TRIP12: variants seen among roughly 807,000 people sequenced by gnomAD.
TRIP12 encodes the protein E3 ubiquitin-protein ligase TRIP12.
Under a neutral mutation model 244.2 loss-of-function variants are expected in TRIP12, and 25 were observed. The observed-to-expected ratio is 0.10, with a 90% CI of 0.07 to 0.14. The LOEUF (loss-of-function observed/expected upper bound fraction) is 0.14, where lower values mean the gene tolerates loss of function less well. TRIP12 is among the 10% of genes least tolerant of loss of function. The pLI, the probability that TRIP12 is intolerant of heterozygous loss-of-function variation, is 1.00. For synonymous variants in TRIP12, 905 were observed against 873.1 expected (o/e 1.04, Z -0.64); for missense variants, 1,677 against 2,486.4 (o/e 0.67, Z 6.92).
upstream of TRIP12, chr2:229,922,654 G>A (rs935858764): frequency 1.9e-6 from 3 of 1,596,812 alleles, no homozygotes; most frequent in Non-Finnish European, 2.6e-6. Flanking sequence ...CTCCCTACCT[G>A]GCCCGGTTGG....
At chr2:229,769,178 C>T in intron 40 of TRIP12, 53 bp downstream of exon 40, 3 of 1,519,662 alleles carry the variant, frequency 2.0e-6, no homozygotes, top group South Asian at 1.2e-5. Flanking sequence ...CACACACACC[C>T]CTCTCCACAT....
chr2:229,804,963 TG>T (rs2045471214), intron 18 of TRIP12, among the ~76,000 whole-genome samples: 1 of 152,176 alleles, frequency 6.6e-6, no homozygotes, highest in Admixed American at 6.5e-5. Context: ...TGGAGTGTGG[TG>T]GCAGGATCTC....
At chr2:229,897,490 A>C (rs2069190445) in intron 1 of TRIP12, among the ~76,000 whole-genome samples, 1 of 152,170 alleles carries the variant, frequency 6.6e-6, no homozygotes, top group South Asian at 2.1e-4. Context: ...TCTACTAAAA[A>C]TACAAAAATT....
At chr2:229,804,988 C>G (rs943204415) in intron 18 of TRIP12, among the ~76,000 whole-genome samples, 1 of 152,182 alleles carries the variant, frequency 6.6e-6, no homozygotes, top group African/African-American at 2.4e-5. Context: ...TCACTGCAAG[C>G]TCCGCTTCCC....
chr2:229,854,753 TAAA>T (rs1304862469), intron 4 of TRIP12, among the ~76,000 whole-genome samples: 1 of 152,210 alleles, frequency 6.6e-6, no homozygotes, highest in Non-Finnish European at 1.5e-5. Flanking sequence ...TAATCATGCC[TAAA>T]ATGCACAATG....
chr2:229,819,319 T>C (rs2154288313), intron 8 of TRIP12, among the ~76,000 whole-genome samples: 1 of 152,238 alleles, frequency 6.6e-6, no homozygotes, highest in South Asian at 2.1e-4. Context: ...CCAAGGCAAG[T>C]GGATCACTTG....
chr2:229,852,928 A>G (rs538131187), intron 4 of TRIP12, among the ~76,000 whole-genome samples: 1 of 152,326 alleles, frequency 6.6e-6, no homozygotes, highest in Admixed American at 6.5e-5. Context: ...ATTAATTTGC[A>G]AATTATTGGG....
chr2:229,824,515 A>G lies in TRIP12; in HGVS notation c.1450+4678T>C, dbSNP rs576696522. On this transcript the variant is annotated intron_variant, in intron 8 of 41. Transcript: ENST00000675903. ...CATTTCACTGAAGCCTTGCCAATAG[A>G]AAAAAAAACTGAAAACTCAAATGTC... Among the ~76,000 whole-genome samples, 7 of 150,298 alleles carry G rather than the reference A, an allele frequency of 4.7e-5. No homozygotes were observed. The South Asian group carries it at 1.5e-3, about 31-fold the overall frequency.
At chr2:229,903,078 G>C (rs1308250972) in intron 1 of TRIP12, among the ~76,000 whole-genome samples, 3 of 147,168 alleles carry the variant, frequency 2.0e-5, no homozygotes, top group South Asian at 4.3e-4. Flanking sequence ...GATATACAGG[G>C]AGACAGGCTA....
intron 1 of TRIP12, among the ~76,000 whole-genome samples, chr2:229,892,477 T>C (rs1420719102): frequency 6.6e-6 from 1 of 152,206 alleles, no homozygotes; most frequent in Non-Finnish European, 1.5e-5. Context: ...TGGAAAAATT[T>C]CATAACTAAG....
chr2:229,764,624 C>G lies in TRIP12; in HGVS notation c.*2930G>C, dbSNP rs1339562031. The G allele has an allele frequency of 6.6e-6, 1 of 152,240 alleles. No homozygotes were observed. Among genetic ancestry groups the G allele is most frequent in the Non-Finnish European group, 1.5e-5 (1 of 68,056 alleles). 9.4% of individuals were successfully genotyped at this position (152,240 alleles called of 1,614,324 possible). A position where few individuals can be genotyped will look rare whatever the true frequency, so the allele number is the denominator to read the frequency against. Reference sequence around the variant, plus strand: ...AGCCAGAAGGAAGACGGCAAACTTACAACTTACTCGCGACAGTCCTCAGTG... The same window carrying G: ...AGCCAGAAGGAAGACGGCAAACTTAGAACTTACTCGCGACAGTCCTCAGTG... On this transcript the variant is annotated 3_prime_UTR_variant, in exon 42 of 42. Coordinates refer to ENST00000675903, the MANE Select transcript of TRIP12 (RefSeq NM_001348323.3).
At chr2:229,878,460 A>G (rs1400977906) in intron 2 of TRIP12, among the ~76,000 whole-genome samples, 1 of 151,588 alleles carries the variant, frequency 6.6e-6, no homozygotes, top group Non-Finnish European at 1.5e-5. Flanking sequence ...AAAAAAAAAG[A>G]AAACAAAACA....
At chr2:229,842,986 C>T (rs553849042) in intron 4 of TRIP12, among the ~76,000 whole-genome samples, 2 of 151,982 alleles carry the variant, frequency 1.3e-5, no homozygotes, top group African/African-American at 2.4e-5. Context: ...AAGACACAAA[C>T]ATTTCCATTA....
chr2:229,776,295 TA>T (rs1191277306), intron 37 of TRIP12, among the ~76,000 whole-genome samples: 1 of 152,198 alleles, frequency 6.6e-6, no homozygotes, highest in African/African-American at 2.4e-5. Flanking sequence ...TTCCATTATT[TA>T]CCTAAGAGAT....
At chr2:229,852,161 A>C (rs2058832143) in intron 4 of TRIP12, among the ~76,000 whole-genome samples, 1 of 152,240 alleles carries the variant, frequency 6.6e-6, no homozygotes, top group Non-Finnish European at 1.5e-5. Context: ...GTAAGCTGTT[A>C]ACTACTGCTA....
At chr2:229,886,261 T>C (rs957524913) in intron 1 of TRIP12, among the ~76,000 whole-genome samples, 5 of 152,174 alleles carry the variant, frequency 3.3e-5, no homozygotes, top group African/African-American at 1.2e-4. Context: ...AGTTTATTAG[T>C]TCACGTTTGA....
chr2:229,802,210 T>C (rs1476978920), intron 21 of TRIP12, 42 bp downstream of exon 21: 1 of 1,525,296 alleles, frequency 6.6e-7, no homozygotes. Context: ...AAAGCAGCGC[T>C]AACAGCAAAG....
chr2:229,900,536 T>C (rs1310569302), intron 1 of TRIP12, among the ~76,000 whole-genome samples: 4 of 152,140 alleles, frequency 2.6e-5, no homozygotes, highest in Non-Finnish European at 5.9e-5. Flanking sequence ...AGACAGCACA[T>C]TACAACATTA....
At chr2:229,878,818 G>T (rs997497412) in intron 2 of TRIP12, among the ~76,000 whole-genome samples, 2 of 151,816 alleles carry the variant, frequency 1.3e-5, no homozygotes, top group African/African-American at 4.8e-5. Flanking sequence ...TCCTGACCTC[G>T]TGATCCGCCC....
Sources: allele counts gnomAD v4.1 joint callset (sites outside exome capture counted in the v4.1 genomes callset), GRCh38; gene constraint gnomAD v4.1.1; transcripts MANE v1.5; gene names NCBI Gene and HGNC (gene_info 2026-07-23, HGNC 2026-07-21).